The following GDPD5 variants were observed in gnomAD, a reference collection of about 807,000 sequenced individuals.
GDPD5 encodes glycerophosphodiester phosphodiesterase domain containing 5.
Under a neutral mutation model 75.1 loss-of-function variants are expected in GDPD5, and 48 were observed. The ratio of observed to expected loss-of-function variants is 0.64; its 90% confidence interval spans 0.51 to 0.81. The LOEUF is 0.81. Ranked by LOEUF, GDPD5 falls within the 40% of genes least tolerant of loss-of-function variation. GDPD5 has a pLI of 0.00. For missense variants in GDPD5, 706 were observed against 822.6 expected (o/e 0.86, Z 1.73); for synonymous variants, 336 against 339.0 (o/e 0.99, Z 0.10).
intron 1 of GDPD5, among the ~76,000 whole-genome samples, chr11:75,516,324 T>A (rs1241800192): frequency 6.6e-6 from 1 of 152,212 alleles, no homozygotes; most frequent in Non-Finnish European, 1.5e-5. Flanking sequence ...CCACTGCTAG[T>A]CCCTCGGTGC....
intron 1 of GDPD5, among the ~76,000 whole-genome samples, chr11:75,501,827 A>C (rs1212702147): frequency 6.6e-6 from 1 of 152,162 alleles, no homozygotes; most frequent in Non-Finnish European, 1.5e-5. Flanking sequence ...CCCCTACCAA[A>C]GAGCCAATCT....
At chr11:75,465,890 AC>A (rs1391372905) in intron 3 of GDPD5, among the ~76,000 whole-genome samples, 1 of 152,208 alleles carries the variant, frequency 6.6e-6, no homozygotes, top group Non-Finnish European at 1.5e-5. Context: ...CGCTGGGAAG[AC>A]GACCTGTGAC....
chr11:75,450,304 C>T (rs1949106951), intron 6 of GDPD5: 3 of 433,236 alleles, frequency 6.9e-6, no homozygotes, highest in Non-Finnish European at 1.3e-5. Flanking sequence ...GTAAGGGGGA[C>T]CTCCCTGGGC....
At chr11:75,511,549 C>T (rs567317359) in intron 1 of GDPD5, among the ~76,000 whole-genome samples, 208 of 152,286 alleles carry the variant, frequency 1.4e-3, no homozygotes, top group Non-Finnish European at 2.5e-3. Context: ...TCCCATGCCA[C>T]GGGACTAGGG....
intron 1 of GDPD5, among the ~76,000 whole-genome samples, chr11:75,506,453 G>A (rs1214725670): frequency 6.6e-6 from 1 of 152,118 alleles, no homozygotes; most frequent in Non-Finnish European, 1.5e-5. Context: ...AGCTCCCTAG[G>A]GCCTGGCTGG....
chr11:75,445,741 A>G (rs1228572672), intron 9 of GDPD5, among the ~76,000 whole-genome samples: 1 of 152,192 alleles, frequency 6.6e-6, no homozygotes, highest in Admixed American at 6.5e-5. Flanking sequence ...GACACAGCCT[A>G]GCACTGGGGA....
In GDPD5 at chr11:75,441,808, A is replaced by G. The variant is rs368283899; in HGVS notation, c.1168-5T>C. On this transcript the variant is annotated splice_region_variant and splice_polypyrimidine_tract_variant and intron_variant, in intron 12 of 16. Coordinates refer to ENST00000336898, the MANE Select transcript of GDPD5 (RefSeq NM_030792.8). ...CCTGCTAGGCAGCCACATGACCTGC[A>G]GGCAGAAGAGAGGCAGCCTCAGACT... The G allele has an allele frequency of 6.2e-7, 1 of 1,605,014 alleles. No homozygotes were observed. The highest frequency in any genetic ancestry group is 1.7e-4 in the Middle Eastern group (1 of 6,026).
chr11:75,447,187 G>T (rs1301385908), intron 9 of GDPD5, among the ~76,000 whole-genome samples: 6 of 152,188 alleles, frequency 3.9e-5, no homozygotes, highest in Non-Finnish European at 7.3e-5. Context: ...CCAGCCGGGG[G>T]ATTGTTACAA....
chr11:75,485,318 T>C (rs1418812920), intron 2 of GDPD5: 1 of 152,170 alleles, frequency 6.6e-6, no homozygotes, highest in Non-Finnish European at 1.5e-5. Context: ...AGCGCAAACA[T>C]GGACTTTAGT....
intron 3 of GDPD5, among the ~76,000 whole-genome samples, chr11:75,474,896 T>C (rs1370087282): frequency 2.0e-5 from 3 of 152,222 alleles, no homozygotes; most frequent in African/African-American, 7.2e-5. Flanking sequence ...TTGCCTTTCT[T>C]CTTCCAGCAA....
chr11:75,462,001 C>T (rs1044554833), intron 4 of GDPD5, among the ~76,000 whole-genome samples: 5 of 152,208 alleles, frequency 3.3e-5, no homozygotes, highest in African/African-American at 9.7e-5. Flanking sequence ...GTGGCTCAGA[C>T]GGCCCTGCCT....
intron 3 of GDPD5, among the ~76,000 whole-genome samples, chr11:75,475,928 G>A (rs1156349623): frequency 2.6e-5 from 4 of 152,166 alleles, no homozygotes; most frequent in African/African-American, 9.7e-5. Flanking sequence ...CCTCCACTCT[G>A]GGCCCTGTGC....
intron 12 of GDPD5, 83 bp from the exon 13 acceptor site, chr11:75,441,886 G>A: frequency 7.3e-7 from 1 of 1,375,316 alleles, no homozygotes; most frequent in Non-Finnish European, 9.8e-7. Flanking sequence ...CACCTGTGGG[G>A]TTAAGAGACA....
intron 9 of GDPD5, 77 bp from the exon 10 acceptor site, chr11:75,444,572 T>G: frequency 1.8e-6 from 2 of 1,142,554 alleles, no homozygotes; most frequent in Non-Finnish European, 2.6e-6. Flanking sequence ...AAGTCTTTCA[T>G]GTTGGGAGGC....
chr11:75,441,570 T>G (rs1307214324), intron 13 of GDPD5, 76 bp downstream of exon 13: 4 of 1,203,720 alleles, frequency 3.3e-6, no homozygotes, highest in African/African-American at 1.6e-5. Context: ...GTGTGTGTGT[T>G]GGGGGGTGGT....
intron 15 of GDPD5, chr11:75,438,449 C>G (rs1361372340): frequency 1.3e-5 from 2 of 152,312 alleles, no homozygotes; most frequent in Admixed American, 6.5e-5. Context: ...GTGGCCTCCC[C>G]AGCACCCTGG....
intron 10 of GDPD5, 45 bp downstream of exon 10, chr11:75,444,368 C>A (rs752823872): frequency 1.4e-6 from 2 of 1,412,632 alleles, no homozygotes; most frequent in Admixed American, 1.7e-5. Flanking sequence ...GATGCCGAAG[C>A]GTGTGGGAGG....
At chr11:75,475,548 A>G (rs2135360445) in intron 3 of GDPD5, among the ~76,000 whole-genome samples, 1 of 152,292 alleles carries the variant, frequency 6.6e-6, no homozygotes. Context: ...GAAGGAATAG[A>G]GAGAGAAAAG....
At chr11:75,440,010 C>T in intron 14 of GDPD5, 49 bp from the exon 15 acceptor site, 1 of 1,452,814 alleles carries the variant, frequency 6.9e-7, no homozygotes, top group Non-Finnish European at 9.6e-7. Flanking sequence ...CCAGTCCAGA[C>T]TGAGGCTCCA....
Sources: gnomAD v4.1 joint callset for allele counts (sites outside exome capture counted in the v4.1 genomes callset) on GRCh38, gnomAD v4.1.1 for gene constraint, MANE v1.5 for transcripts, NCBI Gene and HGNC (gene_info 2026-07-23, HGNC 2026-07-21) for gene names.